The following GPC6 variants were observed in gnomAD, a reference collection of about 807,000 sequenced individuals.
GPC6 encodes glypican 6, also known as glypican-6.
In GPC6, 14 loss-of-function variants were observed where a neutral mutation model predicts 55.2. The ratio of observed to expected loss-of-function variants is 0.25; its 90% CI spans 0.17 to 0.40. The LOEUF (loss-of-function observed/expected upper bound fraction) is 0.40, where lower values mean the gene tolerates loss of function less well. Ranked by LOEUF, GPC6 falls within the 10% of genes least tolerant of loss-of-function variation. GPC6 has a pLI of 1.00. For missense variants in GPC6, 641 were observed against 708.5 expected (o/e 0.90, Z 1.08); for synonymous variants, 278 against 259.6 (o/e 1.07, Z -0.68).
At chr13:94,389,339 C>CATA (rs1880544749) in intron 7 of GPC6, among the ~76,000 whole-genome samples, 1 of 151,966 alleles carries the variant, frequency 6.6e-6, no homozygotes, top group South Asian at 2.1e-4. Context: ...AGTCGGTGGC[C>CATA]ATAATGAGCT....
intron 6 of GPC6, among the ~76,000 whole-genome samples, chr13:94,309,511 A>T (rs1876123924): frequency 6.6e-6 from 1 of 151,456 alleles, no homozygotes; most frequent in African/African-American, 2.4e-5. Flanking sequence ...ATCATTTAAC[A>T]TCTTATTATA....
rs1184629329 is a variant in GPC6 at position 93,231,360 on chromosome 13, CGTAT to C, written c.160+3745_160+3748del. On this transcript the variant is annotated intron_variant, in intron 1 of 8. Coordinates refer to ENST00000377047, the MANE Select transcript of GPC6 (RefSeq NM_005708.5). ...ATATATATATACATATATATATATA[CGTAT>C]ATATATATATATATACATATATATA... Among the ~76,000 whole-genome samples the C allele has an allele frequency of 6.0e-4, 9 of 14,940 alleles. No homozygotes were observed. The East Asian group carries it at 7.5e-3, about 12-fold the overall frequency. The allele number at this position is 14,940 out of a possible 152,430, so 9.8% of individuals were successfully genotyped here.
At chr13:93,719,192 C>T (rs542519218) in intron 2 of GPC6, among the ~76,000 whole-genome samples, 67 of 151,776 alleles carry the variant, frequency 4.4e-4, no homozygotes, top group African/African-American at 1.5e-3. Flanking sequence ...CCATTTTTCA[C>T]GATTGATTCT....
chr13:93,444,522 G>T (rs1009759097), intron 1 of GPC6, among the ~76,000 whole-genome samples: 1 of 152,116 alleles, frequency 6.6e-6, no homozygotes, highest in African/African-American at 2.4e-5. Context: ...CAGAAGAATC[G>T]CTTGAACCTG....
intron 2 of GPC6, among the ~76,000 whole-genome samples, chr13:93,678,485 A>G (rs1881729601): frequency 6.6e-6 from 1 of 152,184 alleles, no homozygotes; most frequent in African/African-American, 2.4e-5. Context: ...TCTGAATGTA[A>G]CTAAGTCTAA....
At chr13:93,344,528 C>T (rs1314812665) in intron 1 of GPC6, among the ~76,000 whole-genome samples, 1 of 152,134 alleles carries the variant, frequency 6.6e-6, no homozygotes, top group African/African-American at 2.4e-5. Context: ...CGTTTCTGAG[C>T]CCCATTTCCT....
At chr13:94,192,730 T>C (rs1889438556) in intron 4 of GPC6, among the ~76,000 whole-genome samples, 1 of 152,088 alleles carries the variant, frequency 6.6e-6, no homozygotes, top group Non-Finnish European at 1.5e-5. Flanking sequence ...ACTGAGAGAA[T>C]GTGAAGGGCT....
chr13:93,225,481 A>G (rs1274660340), upstream of GPC6, among the ~76,000 whole-genome samples: 1 of 44,484 alleles, frequency 2.2e-5, no homozygotes, highest in Non-Finnish European at 5.3e-5. Context: ...AGATTTAGCT[A>G]TGGAGTTTTT....
chr13:93,512,492 T>G, intron 1 of GPC6, among the ~76,000 whole-genome samples: 1 of 152,156 alleles, frequency 6.6e-6, no homozygotes, highest in East Asian at 1.9e-4. Flanking sequence ...GAATCATCCT[T>G]GCAGTCCTGC....
intron 2 of GPC6, among the ~76,000 whole-genome samples, chr13:93,672,639 GATATAT>G (rs71272214): frequency 7.1e-6 from 1 of 140,138 alleles, no homozygotes; most frequent in African/African-American, 2.6e-5. Flanking sequence ...CTCAGTGTCT[GATATAT>G]ATATATATAT....
chr13:93,565,907 G>A (rs1876079627), intron 2 of GPC6, among the ~76,000 whole-genome samples: 1 of 146,382 alleles, frequency 6.8e-6, no homozygotes, highest in Admixed American at 6.9e-5. Context: ...GGGTGACAGG[G>A]TGAGACTCTG....
At chr13:93,532,190 C>T (rs897722300) in intron 1 of GPC6, among the ~76,000 whole-genome samples, 1 of 152,166 alleles carries the variant, frequency 6.6e-6, no homozygotes, top group Non-Finnish European at 1.5e-5. Flanking sequence ...CTCTGTAATG[C>T]ATAACCACAG....
intron 4 of GPC6, among the ~76,000 whole-genome samples, chr13:94,232,825 T>C (rs935617600): frequency 2.6e-5 from 4 of 151,960 alleles, no homozygotes; most frequent in African/African-American, 9.7e-5. Flanking sequence ...GTGGAGGCCT[T>C]GGAGGAGTAG....
intron 6 of GPC6, among the ~76,000 whole-genome samples, chr13:94,333,250 A>C (rs991034042): frequency 2.0e-5 from 3 of 152,192 alleles, no homozygotes; most frequent in Non-Finnish European, 2.9e-5. Flanking sequence ...TTCTCAACTC[A>C]TATTTTGCCC....
chr13:93,690,306 A>G (rs1257272018), intron 2 of GPC6, among the ~76,000 whole-genome samples: 7 of 152,074 alleles, frequency 4.6e-5, no homozygotes, highest in Non-Finnish European at 1.0e-4. Flanking sequence ...TGGTAGTGCA[A>G]GTCAGGAGGA....
At chr13:93,934,000 A>C (rs747185628) in intron 3 of GPC6, among the ~76,000 whole-genome samples, 3 of 152,188 alleles carry the variant, frequency 2.0e-5, no homozygotes, top group Non-Finnish European at 4.4e-5. Context: ...AACAATGGCA[A>C]CACCACTTAG....
At chr13:94,075,458 A>G (rs1200525812) in intron 4 of GPC6, among the ~76,000 whole-genome samples, 1 of 151,536 alleles carries the variant, frequency 6.6e-6, no homozygotes, top group Non-Finnish European at 1.5e-5. Context: ...GTGCGCGCTA[A>G]GAATATTTTA....
At chr13:93,672,655 T>C (rs769505439) in intron 2 of GPC6, among the ~76,000 whole-genome samples, 2 of 114,972 alleles carry the variant, frequency 1.7e-5, no homozygotes, top group South Asian at 3.0e-4. Flanking sequence ...TATATATATA[T>C]GCCATATATA....
Position 94,398,620 on chromosome 13 carries a change from G to T in GPC6, c.1444G>T (p.Asp482Tyr). 6.2e-7 allele frequency: 1 copy of T among 1,614,096 alleles called. No homozygotes were observed. The highest frequency in any genetic ancestry group is 8.5e-7 in the Non-Finnish European group (1 of 1,179,950). The change falls in exon 8 of 9, where the codon GAT becomes TAT. Residue 482 changes from aspartate to tyrosine, a missense_variant. Coordinates refer to ENST00000377047, the MANE Select transcript of GPC6 (RefSeq NM_005708.5). ...ACTAAAAAACGCCTACAATGGCAAT[G>T]ATGTCAATTTCCAGGACACAAGTAA... ...NKLKNAYNGN[D>Y]VNFQDTSDES...
Sources: gnomAD v4.1 joint callset for allele counts (sites outside exome capture counted in the v4.1 genomes callset) on GRCh38, gnomAD v4.1.1 for gene constraint, MANE v1.5 for transcripts, NCBI Gene and HGNC (gene_info 2026-07-23, HGNC 2026-07-21) for gene names.